Variants in BCKDHB observed in about 807,000 individuals in gnomAD.
BCKDHB encodes the protein 2-oxoisovalerate dehydrogenase subunit beta, mitochondrial.
BCKDHB carries 41 observed loss-of-function variants against 48.5 expected under a neutral mutation model. That is an observed-to-expected ratio of 0.85 (90% CI 0.66 to 1.10). The LOEUF is 1.10. BCKDHB is among the 50% of genes least tolerant of loss of function. The probability of loss-of-function intolerance (pLI) is 0.00; values close to 1 mark genes in which losing one functional copy is unlikely to be tolerated. For missense variants in BCKDHB, 496 were observed against 494.2 expected (o/e 1.00, Z -0.03); for synonymous variants, 201 against 174.8 (o/e 1.15, Z -1.18).
chr6:80,290,470 G>A (rs1766855982), intron 9 of BCKDHB, among the ~76,000 whole-genome samples: 1 of 152,228 alleles, frequency 6.6e-6, no homozygotes, highest in African/African-American at 2.4e-5. Flanking sequence ...CCACTGCGGA[G>A]CATGCCTGGG....
At chr6:80,418,980 A>G in the BCKDHB span, among the ~76,000 whole-genome samples, 1 of 152,182 alleles carries the variant, frequency 6.6e-6, no homozygotes, top group African/African-American at 2.4e-5. Context: ...TCTGTGCCTC[A>G]CAAGAAAGAG....
chr6:80,202,169 T>A (rs1338131000), intron 7 of BCKDHB, among the ~76,000 whole-genome samples: 1 of 152,146 alleles, frequency 6.6e-6, no homozygotes. Context: ...TTGCTCTTCC[T>A]CTTGCTTCTA....
chr6:80,395,292 A>G, the BCKDHB span, among the ~76,000 whole-genome samples: 1 of 152,188 alleles, frequency 6.6e-6, no homozygotes, highest in Non-Finnish European at 1.5e-5. Flanking sequence ...CAGGGCTCAG[A>G]AGACAGGAAG....
intron 9 of BCKDHB, among the ~76,000 whole-genome samples, chr6:80,277,383 T>C (rs1778007536): frequency 6.6e-6 from 1 of 152,034 alleles, no homozygotes. Flanking sequence ...TATTCTAGAA[T>C]GTAATGTTCA....
chr6:80,239,356 G>C (rs909009863), intron 8 of BCKDHB, among the ~76,000 whole-genome samples: 2 of 128,178 alleles, frequency 1.6e-5, no homozygotes, highest in African/African-American at 4.9e-5. Context: ...GGCCAGTGAT[G>C]ATGAGCATTT....
In BCKDHB at chr6:80,160,857, A is replaced by G. The variant is rs138841561; in HGVS notation, c.344-6821A>G. ...TTATACAAAGCAGGAGTAGCACAAT[A>G]TAAGAAAATGGCATGTTATAGAAAT... On this transcript the variant is annotated intron_variant, in intron 3 of 9. Coordinates refer to ENST00000320393, the MANE Select transcript of BCKDHB (RefSeq NM_183050.4). 1.8e-3 allele frequency among the ~76,000 whole-genome samples: 267 copies of G among 152,370 alleles called. 1 individual carries two copies. Among genetic ancestry groups the G allele is most frequent in the African/African-American group, 6.1e-3 (253 of 41,580 alleles).
chr6:80,424,355 A>G, the BCKDHB span, among the ~76,000 whole-genome samples: 1 of 152,166 alleles, frequency 6.6e-6, no homozygotes, highest in South Asian at 2.1e-4. Flanking sequence ...TCTGATGTCA[A>G]GACTGAAAGG....
chr6:80,453,685 A>T, the BCKDHB span, among the ~76,000 whole-genome samples: 1 of 152,110 alleles, frequency 6.6e-6, no homozygotes, highest in Admixed American at 6.5e-5. Flanking sequence ...ATGGGGCATG[A>T]TAGATAAAAA....
chr6:80,195,754 A>G (rs1257421774), intron 6 of BCKDHB, among the ~76,000 whole-genome samples: 2 of 152,164 alleles, frequency 1.3e-5, no homozygotes, highest in African/African-American at 4.8e-5. Context: ...AGATACAGAG[A>G]CAAAGCCAGA....
chr6:80,415,001 CTGTG>C, the BCKDHB span, among the ~76,000 whole-genome samples: 11,309 of 149,462 alleles, frequency 0.076, 1,360 homozygotes, highest in African/African-American at 0.26. Flanking sequence ...TTAGGTATTT[CTGTG>C]TGTGTGTGTG....
intron 6 of BCKDHB, among the ~76,000 whole-genome samples, chr6:80,177,645 A>G (rs983778457): frequency 2.6e-5 from 4 of 152,206 alleles, no homozygotes; most frequent in African/African-American, 7.2e-5. Context: ...AAACCAGTGC[A>G]GTAGGAAATA....
intron 9 of BCKDHB, among the ~76,000 whole-genome samples, chr6:80,336,067 T>C (rs1199776355): frequency 1.3e-5 from 2 of 152,046 alleles, no homozygotes; most frequent in South Asian, 2.1e-4. Flanking sequence ...GATTTTAAAA[T>C]AGCAAAATTT....
intron 8 of BCKDHB, among the ~76,000 whole-genome samples, chr6:80,263,399 G>A (rs1048526383): frequency 6.6e-6 from 1 of 151,960 alleles, no homozygotes; most frequent in Non-Finnish European, 1.5e-5. Flanking sequence ...ATGAAAGCAC[G>A]TAAGTTATAT....
At chr6:80,386,419 G>A in the BCKDHB span, among the ~76,000 whole-genome samples, 4 of 151,496 alleles carry the variant, frequency 2.6e-5, no homozygotes, top group African/African-American at 7.3e-5. Flanking sequence ...CAGGAATATA[G>A]ATGGGGCTGG....
chr6:80,208,805 C>T (rs774347527), intron 8 of BCKDHB, among the ~76,000 whole-genome samples: 27 of 151,590 alleles, frequency 1.8e-4, no homozygotes, highest in Non-Finnish European at 3.0e-4. Context: ...CAGAGAAAAC[C>T]CCAGGCCTAA....
At chr6:80,415,094 G>A in the BCKDHB span, among the ~76,000 whole-genome samples, 1 of 151,974 alleles carries the variant, frequency 6.6e-6, no homozygotes, top group Non-Finnish European at 1.5e-5. Context: ...AGAAATGTTA[G>A]TGACTTTTGC....
At chr6:80,346,530 T>C (rs879885855), downstream of BCKDHB, among the ~76,000 whole-genome samples, 1 of 152,082 alleles carries the variant, frequency 6.6e-6, no homozygotes, top group Non-Finnish European at 1.5e-5. Flanking sequence ...CTCCCCAGTG[T>C]GTGGTGGGTG....
At chr6:80,365,977 AT>A in the BCKDHB span, among the ~76,000 whole-genome samples, 6 of 152,308 alleles carry the variant, frequency 3.9e-5, no homozygotes, top group African/African-American at 1.4e-4. Context: ...AGTACAACTG[AT>A]ATTAGTCTTT....
At chr6:80,117,976 T>C (rs1287016811) in intron 1 of BCKDHB, among the ~76,000 whole-genome samples, 2 of 152,168 alleles carry the variant, frequency 1.3e-5, no homozygotes, top group African/African-American at 2.4e-5. Context: ...TTATTCTGGC[T>C]AGGTTCTTAG....
Sources: gnomAD v4.1 joint callset for allele counts (sites outside exome capture counted in the v4.1 genomes callset) on GRCh38, gnomAD v4.1.1 for gene constraint, MANE v1.5 for transcripts, NCBI Gene and HGNC (gene_info 2026-07-23, HGNC 2026-07-21) for gene names.